LTN1: variants seen among roughly 807,000 people sequenced by gnomAD.
LTN1 encodes the protein E3 ubiquitin-protein ligase listerin.
A neutral mutation model predicts 201.2 loss-of-function variants in LTN1; 88 were observed. The observed-to-expected ratio is 0.44, with a 90% CI of 0.37 to 0.52. The LOEUF (loss-of-function observed/expected upper bound fraction) is 0.52, where lower values mean the gene tolerates loss of function less well. Among genes scored for constraint, LTN1 ranks in the 20% least tolerant of loss-of-function variants. The pLI is 0.00. For synonymous variants in LTN1, 645 were observed against 713.5 expected (o/e 0.90, Z 1.53); for missense variants, 1,752 against 2,038.7 (o/e 0.86, Z 2.71).
chr21:28,965,701 C>A (rs1312123994), intron 11 of LTN1, among the ~76,000 whole-genome samples, 164 bp downstream of exon 11: 1 of 151,812 alleles, frequency 6.6e-6, no homozygotes, highest in East Asian at 1.9e-4. Flanking sequence ...AGGAAAAGAA[C>A]AAATATCTTC....
chr21:28,981,986 G>A (rs973105244), intron 5 of LTN1, among the ~76,000 whole-genome samples: 2 of 152,126 alleles, frequency 1.3e-5, no homozygotes, highest in East Asian at 1.9e-4. Context: ...AGGCCGAGGC[G>A]GGTGGATCAC....
intron 24 of LTN1, among the ~76,000 whole-genome samples, 153 bp from the exon 25 acceptor site, chr21:28,941,559 C>G (rs1262339615): frequency 1.3e-5 from 2 of 152,098 alleles, no homozygotes; most frequent in African/African-American, 4.8e-5. Context: ...ATTTTAACTC[C>G]TAATCTCACA....
chr21:28,957,675 T>C (rs1232047221), intron 14 of LTN1, among the ~76,000 whole-genome samples, 199 bp from the exon 15 acceptor site: 1 of 152,176 alleles, frequency 6.6e-6, no homozygotes, highest in Non-Finnish European at 1.5e-5. Context: ...ATTTATCATT[T>C]GAAATCTAGT....
chr21:28,967,075 G>A lies in LTN1; in HGVS notation c.1416C>T (p.Asp472=), dbSNP rs779556118. 8.1e-6 allele frequency: 13 copies of A among 1,614,028 alleles called. No homozygotes were observed. Among genetic ancestry groups the A allele is most frequent in the Non-Finnish European group, 1.1e-5 (13 of 1,179,964 alleles). ...GAGCTGTTTTTTCATCTTTTTCCGT[G>A]TCTGCTTTGGCTTCCCAGGAACTTA... is the stretch of plus-strand genomic sequence containing the variant. ...ETLSSWEAKA[D]TEKDEKTAHN... The change falls in exon 10 of 30, where the codon GAC becomes GAT. Residue 472 remains aspartate (D), a synonymous_variant. Transcript: ENST00000361371.
Position 28,986,055 on chromosome 21 carries a change from A to C in LTN1, c.345+84T>G. 1.4e-6 allele frequency: 1 copy of C among 729,170 alleles called. No homozygotes were observed. Among genetic ancestry groups the C allele is most frequent in the Non-Finnish European group, 2.4e-6 (1 of 408,720 alleles). The allele number at this position is 729,170 out of a possible 1,614,324, so 45.2% of individuals were successfully genotyped here. A position where few individuals can be genotyped will look rare whatever the true frequency, so the allele number is the denominator to read the frequency against. ...TAACATTTAATAACCCTCACCAAAA[A>C]TCAACATTATAAATTTGAGAGTCTC... On this transcript the variant is annotated intron_variant, in intron 3 of 29. Coordinates refer to ENST00000361371, the MANE Select transcript of LTN1 (RefSeq NM_015565.3). The surrounding 1 kb of genome is among the most constrained non-coding windows in gnomAD (Gnocchi z 4.1).
chr21:28,968,835 A>C (rs1347378200), intron 9 of LTN1, among the ~76,000 whole-genome samples: 2 of 151,496 alleles, frequency 1.3e-5, no homozygotes, highest in African/African-American at 2.4e-5. Context: ...TTGAACCCCC[A>C]ACCTCAGGTG....
chr21:28,985,658 CT>C (rs781372185), intron 3 of LTN1, among the ~76,000 whole-genome samples: 7,451 of 137,020 alleles, frequency 0.054, 203 homozygotes, highest in Middle Eastern at 0.14. Context: ...ACAATCCAAT[CT>C]TTTTTTTTTT....
chr21:28,937,958 A>C (rs1253213492), intron 25 of LTN1, among the ~76,000 whole-genome samples: 1 of 152,224 alleles, frequency 6.6e-6, no homozygotes, highest in Non-Finnish European at 1.5e-5. Context: ...ACTATTGCTA[A>C]AAATTAACCA....
In LTN1 at chr21:28,986,878, A is replaced by G; in HGVS notation, c.99T>C (p.Pro33=). ...GAGATGTTCCAAAACCAATAAATCC[A>G]GGCACTGTTCCCTGTTCTTTGGCAA... The part of the protein sequence containing the change: ...ELLAKEQGTV[P]GFIGFGTSQS... Residue 33 remains proline (P), a synonymous_variant, in exon 2 of 30, where the codon CCT becomes CCC. Transcript: ENST00000361371. This position sits in a 1 kb window ranked among gnomAD's most constrained non-coding sequence, Gnocchi z 4.1. 6.2e-7 allele frequency: 1 copy of G among 1,614,144 alleles called. No homozygotes were observed. The highest frequency in any genetic ancestry group is 2.2e-5 in the East Asian group (1 of 44,876).
chr21:28,957,503 G>T, intron 14 of LTN1, 27 bp from the exon 15 acceptor site: 1 of 1,502,966 alleles, frequency 6.7e-7, no homozygotes, highest in Non-Finnish European at 8.9e-7. Flanking sequence ...GAACTTAACT[G>T]TTGTAGTTAC....
chr21:28,947,984 C>G (rs1017680036), intron 18 of LTN1, among the ~76,000 whole-genome samples: 6 of 151,014 alleles, frequency 4.0e-5, no homozygotes, highest in Admixed American at 1.3e-4. Flanking sequence ...TGAGGTCAGG[C>G]GTTTGAGACC....
intron 25 of LTN1, 100 bp downstream of exon 25, chr21:28,941,119 CA>C: frequency 1.3e-6 from 1 of 786,728 alleles, no homozygotes; most frequent in South Asian, 1.9e-5. Flanking sequence ...GAGATTAAAA[CA>C]TAAGGATTTT....
In LTN1 at chr21:28,966,984, T is replaced by A. The variant is rs749166433; in HGVS notation, c.1507A>T (p.Ser503Cys). 3 of 1,614,136 alleles carry A rather than the reference T, an allele frequency of 1.9e-6. No individual in the cohort carries two copies. Among genetic ancestry groups the A allele is most frequent in the Middle Eastern group, 1.6e-4 (1 of 6,062 alleles). Residue 503 changes from serine to cysteine, a missense_variant, in exon 10 of 30, where the codon AGT becomes TGT. By Grantham distance (112) the Ser-to-Cys change is moderately radical. This residue lies in a region of LTN1 where 1,211 missense variants were observed against 1,312.8 expected (regional missense o/e 0.92). Coordinates refer to ENST00000361371, the MANE Select transcript of LTN1 (RefSeq NM_015565.3). ...GACTCAACATCAGCTTCTGGCTCACTGATTTTCGCAACACAGATCTCTGAC... is the reference window on the plus strand; with the variant it reads ...GACTCAACATCAGCTTCTGGCTCACAGATTTTCGCAACACAGATCTCTGAC... The part of the protein sequence containing the change: ...RLSEICVAKI[S>C]EPEADVESVL...
intron 27 of LTN1, among the ~76,000 whole-genome samples, chr21:28,934,453 T>C (rs546165028): frequency 2.6e-5 from 4 of 152,238 alleles, no homozygotes; most frequent in South Asian, 4.1e-4. Context: ...AGTCTCGTGA[T>C]AGTGAGTGAG....
chr21:28,969,526 A>AC lies in LTN1; in HGVS notation c.1250dup (p.Ile419TyrfsTer8). On this transcript the variant is annotated frameshift_variant, in exon 9 of 30. Transcript: ENST00000361371. LOFTEE classifies it high-confidence loss of function. ...CACCTAAGTTTTGCTGCATTATAAA[A>AC]CGTAAGCATTCAAAAAAAGCAGATA... 6.2e-7 allele frequency: 1 copy of AC among 1,612,952 alleles called. No individual in the cohort carries two copies. Among genetic ancestry groups the AC allele is most frequent in the African/African-American group, 1.3e-5 (1 of 74,964 alleles).
Position 28,956,852 on chromosome 21 carries a change from G to C in LTN1, c.2989C>G (p.His997Asp), listed in dbSNP as rs1453946685. 1 of 1,611,156 alleles carries C rather than the reference G, an allele frequency of 6.2e-7. No individual in the cohort carries two copies. Among genetic ancestry groups the C allele is most frequent in the African/African-American group, 1.3e-5 (1 of 74,834 alleles). ...CTCAATAATGCTGAAGTACACAAAT[G>C]GCTGGGAAGTGTCTTTATGTCCTGT... is the stretch of plus-strand genomic sequence containing the variant. ...KEQDIKTLPS[H>D]LCTSALLSKM... The change falls in exon 16 of 30, where the codon CAT (histidine) becomes GAT (aspartate). Residue 997 changes from histidine to aspartate, a missense_variant. Transcript: ENST00000361371.
intron 24 of LTN1, 28 bp downstream of exon 24, chr21:28,943,234 T>C (rs762021602): frequency 7.0e-7 from 1 of 1,418,636 alleles, no homozygotes; most frequent in Non-Finnish European, 9.9e-7. Flanking sequence ...AAGAATTTAA[T>C]AAAACAAATT....
intron 27 of LTN1, among the ~76,000 whole-genome samples, chr21:28,933,859 A>G (rs1568830640): frequency 6.6e-6 from 1 of 152,046 alleles, no homozygotes; most frequent in Non-Finnish European, 1.5e-5. Context: ...TATTTTTAGT[A>G]GAGATGGGGT....
chr21:28,979,923 G>A (rs927903383), intron 6 of LTN1, among the ~76,000 whole-genome samples: 1 of 152,170 alleles, frequency 6.6e-6, no homozygotes, highest in South Asian at 2.1e-4. Context: ...AGTGAGTCTA[G>A]ATCACGCCAT....
Sources: allele counts gnomAD v4.1 joint callset (sites outside exome capture counted in the v4.1 genomes callset), GRCh38; gene constraint gnomAD v4.1.1; regional missense constraint gnomAD v4.1.1; non-coding constraint Gnocchi (gnomAD v3.1); transcripts MANE v1.5; gene names NCBI Gene and HGNC (gene_info 2026-07-23, HGNC 2026-07-21).